The following GPR158 variants were observed in gnomAD, a reference collection of about 807,000 sequenced individuals.
The protein encoded by GPR158 is G protein-coupled receptor 158, also known as metabotropic glycine receptor.
In GPR158, 30 loss-of-function variants were observed where a neutral mutation model predicts 78.2. The ratio of observed to expected loss-of-function variants is 0.38; its 90% CI spans 0.29 to 0.52. GPR158 has a LOEUF of 0.52. Among genes scored for constraint, GPR158 ranks in the 20% least tolerant of loss-of-function variants. GPR158 has a pLI of 0.83. For synonymous variants in GPR158, 581 were observed against 591.1 expected (o/e 0.98, Z 0.25); for missense variants, 1,463 against 1,523.5 (o/e 0.96, Z 0.66).
intron 2 of GPR158, among the ~76,000 whole-genome samples, chr10:25,380,784 A>G (rs957268669): frequency 6.6e-6 from 1 of 152,238 alleles, no homozygotes; most frequent in East Asian, 1.9e-4. Flanking sequence ...TTGAGAAACC[A>G]TATATGAAGC....
intron 5 of GPR158, among the ~76,000 whole-genome samples, chr10:25,511,504 T>C (rs1836086817): frequency 6.6e-6 from 1 of 152,232 alleles, no homozygotes; most frequent in African/African-American, 2.4e-5. Context: ...CTGTTTACTC[T>C]GCTGATTGTT....
intron 2 of GPR158, among the ~76,000 whole-genome samples, chr10:25,300,200 G>A (rs762319320): frequency 6.6e-6 from 1 of 152,220 alleles, no homozygotes; most frequent in African/African-American, 2.4e-5. Flanking sequence ...CAGCAGGGCT[G>A]CATTCCTTTT....
intron 6 of GPR158, among the ~76,000 whole-genome samples, chr10:25,565,304 G>C (rs1167409589): frequency 3.3e-5 from 5 of 152,176 alleles, no homozygotes; most frequent in Non-Finnish European, 5.9e-5. Context: ...GAATAATAGT[G>C]ATAATTGGAG....
chr10:25,514,058 TC>T (rs763256301), intron 5 of GPR158, among the ~76,000 whole-genome samples: 2 of 152,146 alleles, frequency 1.3e-5, no homozygotes, highest in Non-Finnish European at 2.9e-5. Flanking sequence ...TACGTTTAAA[TC>T]CATTGTTTCT....
chr10:25,268,918 G>GT (rs1043479441), intron 2 of GPR158, among the ~76,000 whole-genome samples: 62 of 152,244 alleles, frequency 4.1e-4, no homozygotes, highest in African/African-American at 1.5e-3. Flanking sequence ...TTGTTATTTA[G>GT]TTTTTTATGT....
At chr10:25,293,457 C>T (rs559095887) in intron 2 of GPR158, among the ~76,000 whole-genome samples, 13 of 152,304 alleles carry the variant, frequency 8.5e-5, no homozygotes, top group African/African-American at 2.2e-4. Flanking sequence ...ATATACCTAA[C>T]GCATGGCTAT....
chr10:25,392,930 C>T (rs978821104), intron 2 of GPR158, among the ~76,000 whole-genome samples: 1 of 152,146 alleles, frequency 6.6e-6, no homozygotes, highest in African/African-American at 2.4e-5. Context: ...GGAGTCAGTA[C>T]AGCAGGATGA....
At chr10:25,197,796 T>C (rs1852863520) in intron 1 of GPR158, among the ~76,000 whole-genome samples, 1 of 152,176 alleles carries the variant, frequency 6.6e-6, no homozygotes, top group Non-Finnish European at 1.5e-5. Context: ...GTGAGAAAAG[T>C]GTTTCCTCCT....
chr10:25,416,761 T>G (rs1344845125), intron 4 of GPR158, among the ~76,000 whole-genome samples: 1 of 152,176 alleles, frequency 6.6e-6, no homozygotes, highest in African/African-American at 2.4e-5. Flanking sequence ...CCTGAGAGAT[T>G]AAGTTTCCAA....
intron 2 of GPR158, among the ~76,000 whole-genome samples, chr10:25,311,242 A>G (rs966889415): frequency 6.6e-6 from 1 of 151,912 alleles, no homozygotes; most frequent in Admixed American, 6.6e-5. Context: ...AATAGTATCA[A>G]ATTTATAAAT....
intron 2 of GPR158, among the ~76,000 whole-genome samples, chr10:25,373,294 A>G (rs1834028574): frequency 6.6e-6 from 1 of 151,914 alleles, no homozygotes; most frequent in Admixed American, 6.6e-5. Context: ...TGGAAGGTGG[A>G]GAGCGGGAAG....
chr10:25,545,646 G>T (rs536759642), intron 5 of GPR158, among the ~76,000 whole-genome samples: 1 of 152,140 alleles, frequency 6.6e-6, no homozygotes, highest in Non-Finnish European at 1.5e-5. Context: ...TTGGTTTTCA[G>T]CTTGTTACAG....
chr10:25,277,460 A>G (rs1854200804), intron 2 of GPR158, among the ~76,000 whole-genome samples: 1 of 100,930 alleles, frequency 9.9e-6, no homozygotes, highest in African/African-American at 9.0e-5. Flanking sequence ...ACTTTGGGGG[A>G]AAAAAGCAAA....
chr10:25,512,344 G>A (rs1836096958), intron 5 of GPR158, among the ~76,000 whole-genome samples: 1 of 152,032 alleles, frequency 6.6e-6, no homozygotes, highest in Admixed American at 6.6e-5. Context: ...GGTCACTGTT[G>A]GAATATAGCA....
chr10:25,426,170 A>G (rs941555606), intron 4 of GPR158, among the ~76,000 whole-genome samples: 8 of 152,144 alleles, frequency 5.3e-5, no homozygotes, highest in Non-Finnish European at 8.8e-5. Context: ...CCTTCATCGA[A>G]TTGAAGGGAG....
chr10:25,227,921 T>A (rs1588745511), intron 2 of GPR158, among the ~76,000 whole-genome samples: 1 of 152,304 alleles, frequency 6.6e-6, no homozygotes, highest in East Asian at 1.9e-4. Flanking sequence ...TAAAAAAGAA[T>A]TGTGCTCAAT....
intron 5 of GPR158, among the ~76,000 whole-genome samples, chr10:25,476,963 G>A (rs1835595422): frequency 6.6e-6 from 1 of 152,082 alleles, no homozygotes; most frequent in African/African-American, 2.4e-5. Context: ...TGAAGTTTCT[G>A]ATATTCAATC....
At chr10:25,423,142 CATATAT>C (rs1834776168) in intron 4 of GPR158, among the ~76,000 whole-genome samples, 1 of 130,832 alleles carries the variant, frequency 7.6e-6, no homozygotes, top group African/African-American at 3.5e-5. Context: ...TATACATATA[CATATAT>C]ATGTATATGT....
chr10:25,227,838 G>A (rs1204663809), intron 2 of GPR158, among the ~76,000 whole-genome samples: 1 of 152,124 alleles, frequency 6.6e-6, no homozygotes, highest in Non-Finnish European at 1.5e-5. Flanking sequence ...TGAGACACAA[G>A]ACTAGTCATA....
Sources: gnomAD v4.1 joint callset for allele counts (sites outside exome capture counted in the v4.1 genomes callset) on GRCh38, gnomAD v4.1.1 for gene constraint, MANE v1.5 for transcripts, NCBI Gene and HGNC (gene_info 2026-07-23, HGNC 2026-07-21) for gene names.